Variants in ENAH observed in about 807,000 individuals in gnomAD.
ENAH encodes the protein protein enabled homolog.
In ENAH, 23 loss-of-function variants were observed where a neutral mutation model predicts 78.7. That is an observed-to-expected ratio of 0.29 (90% CI 0.21 to 0.41). The LOEUF (loss-of-function observed/expected upper bound fraction) is 0.41. ENAH is among the 10% of genes least tolerant of loss of function. The probability of loss-of-function intolerance (pLI) is 1.00; values close to 1 mark genes in which losing one functional copy is unlikely to be tolerated. For synonymous variants in ENAH, 226 were observed against 241.0 expected, an observed-to-expected ratio of 0.94 and a Z score of 0.58; for missense variants, 544 against 691.0, an observed-to-expected ratio of 0.79 and a Z score of 2.39.
At chr1:225,510,683 A>C (rs1031085168) in intron 10 of ENAH, among the ~76,000 whole-genome samples, 2 of 151,526 alleles carry the variant, frequency 1.3e-5, no homozygotes, top group African/African-American at 4.9e-5. Flanking sequence ...ACAAAAACAA[A>C]AACTTCAGAG....
At position 225,514,718 on chromosome 1, in the gene ENAH, G is replaced by T; in HGVS notation, c.1096C>A (p.Pro366Thr). ...GCAGGGAGGGGTGGGGCAGGAGGTG[G>T]TGGAGGAGGAGGGGGTACTTGATTA... ...LPNQVPPPPP[P>T]PPAPPLPASG... Residue 366 changes from proline to threonine, a missense_variant, in exon 7 of 14, where the codon CCA (proline) becomes ACA (threonine). Physicochemically the swap from Pro to Thr is conservative, Grantham distance 38. Transcript: ENST00000366843. 3 of 1,544,584 alleles carry T rather than the reference G, an allele frequency of 1.9e-6. No homozygotes were observed. Among genetic ancestry groups the T allele is most frequent in the Non-Finnish European group, 2.7e-6 (3 of 1,123,504 alleles).
In ENAH at chr1:225,519,542, T is replaced by C; in HGVS notation, c.458A>G (p.Gln153Arg). Residue 153 changes from glutamine (Q) to arginine (R), a missense_variant, in exon 5 of 14, where the codon CAA (glutamine) becomes CGA (arginine). By Grantham distance (43) the Gln-to-Arg change is conservative. This residue lies in a region of ENAH where 366 missense variants were observed against 396.1 expected (regional missense o/e 0.92). Transcript: ENST00000366843. ...CAGCCTTTCCCGCTCCAGCTCCTTT[T>C]GCCGTTGCTGTTCTTGTAGTTGTCT... ...QRRQLQEQQR[Q>R]KELERERLER... The C allele has an allele frequency of 6.2e-7, 1 of 1,611,898 alleles. No individual in the cohort carries two copies. Among genetic ancestry groups the C allele is most frequent in the South Asian group, 1.1e-5 (1 of 90,984 alleles).
Position 225,512,067 on chromosome 1 carries a change from A to G in ENAH, c.1423-208T>C, listed in dbSNP as rs55979993. 3.0e-3 allele frequency among the ~76,000 whole-genome samples: 460 copies of G among 152,166 alleles called. 4 individuals carry two copies. Among genetic ancestry groups the G allele is most frequent in the Middle Eastern group, 0.014 (4 of 294 alleles). The stretch of plus-strand genomic sequence containing the variant: ...AACCCTCCCCACAGCTCCTTTCCTC[A>G]TGTGTTCTCCTTGAGAACTTTCACT... On this transcript the variant is annotated intron_variant, in intron 9 of 13. Coordinates refer to ENST00000366843, the MANE Select transcript of ENAH (RefSeq NM_018212.6).
intron 2 of ENAH, among the ~76,000 whole-genome samples, chr1:225,562,571 C>CAAAAAAAAA (rs869309795): frequency 2.9e-4 from 11 of 38,098 alleles, no homozygotes; most frequent in East Asian, 1.2e-3. Flanking sequence ...GACTGCGTCT[C>CAAAAAAAAA]AAAAAAAAAA....
chr1:225,559,488 CAGAAG>C (rs1300247103), intron 2 of ENAH, among the ~76,000 whole-genome samples: 1 of 152,038 alleles, frequency 6.6e-6, no homozygotes, highest in East Asian at 1.9e-4. Flanking sequence ...CAGTTACTAA[CAGAAG>C]TAAGTTAAAG....
chr1:225,604,621 CAAAAAAAAAAA>C (rs762454618), intron 1 of ENAH, among the ~76,000 whole-genome samples: 7 of 88,964 alleles, frequency 7.9e-5, no homozygotes, highest in Admixed American at 7.0e-4. Flanking sequence ...CCGTCTCTAC[CAAAAAAAAAAA>C]AAAAAAAAAA....
At chr1:225,567,220 T>A in intron 2 of ENAH, 29 bp downstream of exon 2, 1 of 1,601,326 alleles carries the variant, frequency 6.2e-7, no homozygotes, top group Non-Finnish European at 8.5e-7. Context: ...ACTAAATCAT[T>A]TTTAACAACA....
intron 2 of ENAH, among the ~76,000 whole-genome samples, chr1:225,559,209 A>C (rs543853805): frequency 1.3e-5 from 2 of 152,320 alleles, no homozygotes; most frequent in South Asian, 2.1e-4. Context: ...TGGACTATTC[A>C]GAAAGGTATT....
At chr1:225,652,271 T>A (rs1380050750) in intron 1 of ENAH, 1 of 920,448 alleles carries the variant, frequency 1.1e-6, no homozygotes, top group Non-Finnish European at 1.3e-6. Context: ...ACACGAGAGT[T>A]CGGAGGCAAA....
At chr1:225,622,679 C>T (rs969834378) in intron 1 of ENAH, among the ~76,000 whole-genome samples, 6 of 152,110 alleles carry the variant, frequency 3.9e-5, no homozygotes, top group African/African-American at 1.2e-4. Context: ...GGAGCAAGCT[C>T]CCCTGACCTA....
intron 3 of ENAH, among the ~76,000 whole-genome samples, chr1:225,536,616 T>C (rs2096562920): frequency 6.6e-6 from 1 of 152,036 alleles, no homozygotes; most frequent in Non-Finnish European, 1.5e-5. Context: ...ATTTAAAACA[T>C]ACAACTCATG....
chr1:225,537,431 G>A (rs2096567142), intron 3 of ENAH, among the ~76,000 whole-genome samples: 1 of 152,102 alleles, frequency 6.6e-6, no homozygotes, highest in African/African-American at 2.4e-5. Flanking sequence ...TCTAAATTCT[G>A]ATAGGTTGCT....
chr1:225,527,752 C>T (rs1170124033), intron 4 of ENAH, among the ~76,000 whole-genome samples: 1 of 152,168 alleles, frequency 6.6e-6, no homozygotes, highest in Non-Finnish European at 1.5e-5. Context: ...CTTGCCTTTA[C>T]ACACCTACTC....
In ENAH at chr1:225,571,380, A is replaced by T. The variant is rs188903421; in HGVS notation, c.6-3966T>A. Among the ~76,000 whole-genome samples the T allele has an allele frequency of 1.8e-4, 28 of 151,806 alleles. No homozygotes were observed. The East Asian group carries it at 5.0e-3, about 27-fold the overall frequency. ...AGAGTGAGACTCTGTCTCAAAAAAAAAGAAAAAAAAGAAAGAAAAACAAAA... is the reference window on the plus strand; with the variant it reads ...AGAGTGAGACTCTGTCTCAAAAAAATAGAAAAAAAAGAAAGAAAAACAAAA... On this transcript the variant is annotated intron_variant, in intron 1 of 13. Coordinates refer to ENST00000366843, the MANE Select transcript of ENAH (RefSeq NM_018212.6).
intron 3 of ENAH, among the ~76,000 whole-genome samples, chr1:225,531,903 C>T (rs763232722): frequency 1.2e-4 from 18 of 151,902 alleles, no homozygotes; most frequent in Non-Finnish European, 2.2e-4. Flanking sequence ...TTAGATTAAT[C>T]ACTTTATTTG....
At position 225,595,568 on chromosome 1, in the gene ENAH, T is replaced by C. The variant is rs141358530; in HGVS notation, c.6-28154A>G. Among the ~76,000 whole-genome samples, 15 of 152,298 alleles carry C rather than the reference T, an allele frequency of 9.8e-5. No individual in the cohort carries two copies. In the East Asian group the frequency reaches 2.5e-3, roughly 25 times the overall value. On this transcript the variant is annotated intron_variant, in intron 1 of 13. Coordinates refer to ENST00000366843, the MANE Select transcript of ENAH (RefSeq NM_018212.6). ...GCACTACCCAGAACATTTTAAAATA[T>C]GATATTCATACCCTTTAAGAATTTT... is the stretch of plus-strand genomic sequence containing the variant.
At chr1:225,593,401 G>GTGTGT (rs1491435336) in intron 1 of ENAH, among the ~76,000 whole-genome samples, 820 of 31,620 alleles carry the variant, frequency 0.026, 51 homozygotes, top group Non-Finnish European at 0.033. Flanking sequence ...GTGTGTGTGT[G>GTGTGT]GGGGGGGGGG....
intron 3 of ENAH, among the ~76,000 whole-genome samples, chr1:225,538,609 G>GTT (rs67374626): frequency 4.6e-5 from 7 of 150,714 alleles, no homozygotes; most frequent in East Asian, 1.9e-4. Context: ...ATATGATTGG[G>GTT]TTTTTTTCCC....
At chr1:225,506,316 T>C (rs1266000675) in intron 11 of ENAH, among the ~76,000 whole-genome samples, 1 of 152,188 alleles carries the variant, frequency 6.6e-6, no homozygotes, top group African/African-American at 2.4e-5. Flanking sequence ...GCCTCCCAAG[T>C]AGCTGGCATC....
Sources: allele counts gnomAD v4.1 joint callset (sites outside exome capture counted in the v4.1 genomes callset), GRCh38; gene constraint gnomAD v4.1.1; regional missense constraint gnomAD v4.1.1; transcripts MANE v1.5; gene names NCBI Gene and HGNC (gene_info 2026-07-23, HGNC 2026-07-21).